Variants in UBTD1 observed in about 807,000 individuals in gnomAD.
UBTD1 encodes the protein ubiquitin domain containing 1.
In UBTD1, 19 loss-of-function variants were observed where a neutral mutation model predicts 21.7. The ratio of observed to expected loss-of-function variants is 0.87; its 90% CI spans 0.61 to 1.28. The LOEUF (loss-of-function observed/expected upper bound fraction) is 1.28, where lower values mean the gene tolerates loss of function less well. Ranked by LOEUF, UBTD1 falls within the 50% of genes most tolerant of loss-of-function variation. The pLI is 0.00. For missense variants in UBTD1, 282 were observed against 315.1 expected, an observed-to-expected ratio of 0.89 and a Z score of 0.80; for synonymous variants, 116 against 135.1, an observed-to-expected ratio of 0.86 and a Z score of 0.98.
chr10:97,569,078 C>T (rs1032095402), intron 2 of UBTD1, among the ~76,000 whole-genome samples: 2 of 152,222 alleles, frequency 1.3e-5, no homozygotes, highest in African/African-American at 4.8e-5. Flanking sequence ...CCGCCTTGGC[C>T]TCCCGAAGTG....
At chr10:97,503,998 C>A (rs2040388310) in intron 1 of UBTD1, among the ~76,000 whole-genome samples, 1 of 152,118 alleles carries the variant, frequency 6.6e-6, no homozygotes, top group African/African-American at 2.4e-5. Context: ...CATCCCTGTA[C>A]CTCCCAAAGT....
chr10:97,562,285 C>T (rs539256721), intron 1 of UBTD1, among the ~76,000 whole-genome samples: 1 of 152,264 alleles, frequency 6.6e-6, no homozygotes, highest in East Asian at 1.9e-4. Flanking sequence ...CATCTGTAAT[C>T]CCAGCTACTC....
intron 1 of UBTD1, among the ~76,000 whole-genome samples, chr10:97,563,202 G>A (rs918767845): frequency 6.6e-6 from 1 of 152,204 alleles, no homozygotes; most frequent in Admixed American, 6.5e-5. Context: ...GGAGAACCCA[G>A]GACATCCAAT....
At chr10:97,548,924 G>A (rs778064566) in intron 1 of UBTD1, among the ~76,000 whole-genome samples, 1 of 152,254 alleles carries the variant, frequency 6.6e-6, no homozygotes, top group East Asian at 1.9e-4. Context: ...ACCCTTCCCC[G>A]AGCCCGGCCA....
At chr10:97,532,220 G>A (rs143461996) in intron 1 of UBTD1, among the ~76,000 whole-genome samples, 76 of 152,358 alleles carry the variant, frequency 5.0e-4, no homozygotes, top group Middle Eastern at 3.4e-3. Flanking sequence ...AGCAAACCAA[G>A]CAGTTGGAGT....
At chr10:97,532,968 C>T (rs548385403) in intron 1 of UBTD1, among the ~76,000 whole-genome samples, 5 of 152,282 alleles carry the variant, frequency 3.3e-5, no homozygotes, top group African/African-American at 1.2e-4. Context: ...CAGTGCCTGG[C>T]CCATGGTCAG....
At chr10:97,529,743 G>T (rs894326268) in intron 1 of UBTD1, among the ~76,000 whole-genome samples, 1 of 52,918 alleles carries the variant, frequency 1.9e-5, no homozygotes, top group African/African-American at 4.3e-5. Flanking sequence ...TGGAAAGAGA[G>T]GGAGAGGGAG....
At chr10:97,546,890 TCACA>T (rs950763447) in intron 1 of UBTD1, among the ~76,000 whole-genome samples, 1 of 152,066 alleles carries the variant, frequency 6.6e-6, no homozygotes, top group Non-Finnish European at 1.5e-5. Flanking sequence ...CACTGCCACC[TCACA>T]CACACACTCT....
Position 97,501,250 on chromosome 10 carries a change from T to G in UBTD1, c.70+1977T>G, listed in dbSNP as rs376099867. ...CAGTTGTCCCCACAGAAGACATTTG[T>G]TAAATTAACTTCTTCCAGATTTTAT... On this transcript the variant is annotated intron_variant, in intron 1 of 2. Coordinates refer to ENST00000370664, the MANE Select transcript of UBTD1 (RefSeq NM_024954.5). Among the ~76,000 whole-genome samples the G allele has an allele frequency of 9.8e-4, 149 of 152,348 alleles. 3 individuals are homozygous for G. The highest frequency in any genetic ancestry group is 3.4e-3 in the African/African-American group (141 of 41,574).
chr10:97,528,950 C>G (rs1340007492), intron 1 of UBTD1, among the ~76,000 whole-genome samples: 2 of 151,874 alleles, frequency 1.3e-5, no homozygotes, highest in Non-Finnish European at 2.9e-5. Flanking sequence ...GGGGGCTGAC[C>G]CCCACCTCCC....
At chr10:97,547,481 C>G (rs1205320432) in intron 1 of UBTD1, among the ~76,000 whole-genome samples, 4 of 152,220 alleles carry the variant, frequency 2.6e-5, no homozygotes. Flanking sequence ...CTCTCTGTCC[C>G]TGTTGAGCTT....
At chr10:97,521,674 G>A (rs891801266) in intron 1 of UBTD1, among the ~76,000 whole-genome samples, 1 of 152,246 alleles carries the variant, frequency 6.6e-6, no homozygotes, top group South Asian at 2.1e-4. Flanking sequence ...GGAGCTCTGT[G>A]TTCTGGGTCC....
At chr10:97,513,485 G>C (rs1005519136) in intron 1 of UBTD1, among the ~76,000 whole-genome samples, 1 of 152,168 alleles carries the variant, frequency 6.6e-6, no homozygotes, top group Non-Finnish European at 1.5e-5. Context: ...TTGCTCCTTG[G>C]GGGATTGGGA....
At chr10:97,536,330 T>C (rs2040561706) in intron 1 of UBTD1, among the ~76,000 whole-genome samples, 1 of 152,142 alleles carries the variant, frequency 6.6e-6, no homozygotes, top group Admixed American at 6.6e-5. Context: ...GAGGTGGTCA[T>C]ACAAGGTCTT....
intron 1 of UBTD1, among the ~76,000 whole-genome samples, chr10:97,506,510 A>G (rs1317325875): frequency 6.6e-6 from 1 of 151,890 alleles, no homozygotes; most frequent in African/African-American, 2.4e-5. Context: ...TATGACATAA[A>G]ATTTACTTGT....
At chr10:97,565,924 G>A (rs1227497741) in intron 1 of UBTD1, among the ~76,000 whole-genome samples, 1 of 151,982 alleles carries the variant, frequency 6.6e-6, no homozygotes, top group African/African-American at 2.4e-5. Context: ...ATATTGCCCA[G>A]GCTGATCTCG....
chr10:97,511,802 T>C (rs951963937), intron 1 of UBTD1, among the ~76,000 whole-genome samples: 4 of 152,200 alleles, frequency 2.6e-5, no homozygotes, highest in Admixed American at 1.3e-4. Flanking sequence ...TCTCCTACCA[T>C]GTGTGTGGTA....
At chr10:97,557,420 C>T (rs1443735834) in intron 1 of UBTD1, among the ~76,000 whole-genome samples, 6 of 152,058 alleles carry the variant, frequency 3.9e-5, no homozygotes, top group South Asian at 2.1e-4. Flanking sequence ...AGCTCCCACT[C>T]GTGCAGGAGG....
intron 1 of UBTD1, among the ~76,000 whole-genome samples, chr10:97,507,588 C>T (rs2040404302): frequency 6.6e-6 from 1 of 151,616 alleles, no homozygotes; most frequent in East Asian, 1.9e-4. Context: ...GCCTGATCAA[C>T]ATGGTGAAAC....
Sources: gnomAD v4.1 joint callset for allele counts (sites outside exome capture counted in the v4.1 genomes callset) on GRCh38, gnomAD v4.1.1 for gene constraint, MANE v1.5 for transcripts, NCBI Gene and HGNC (gene_info 2026-07-23, HGNC 2026-07-21) for gene names.